TRMT11: variants seen among roughly 807,000 people sequenced by gnomAD.
The protein encoded by TRMT11 is tRNA (guanine(10)-N(2))-methyltransferase TRMT11.
In TRMT11, 53 loss-of-function variants were observed where a neutral mutation model predicts 62.8. The observed-to-expected ratio is 0.84, with a 90% CI of 0.68 to 1.06. The LOEUF (loss-of-function observed/expected upper bound fraction) is 1.06. TRMT11 is among the 50% of genes least tolerant of loss of function. The pLI, the probability that TRMT11 is intolerant of heterozygous loss-of-function variation, is 0.00. For synonymous variants in TRMT11, 188 were observed against 190.3 expected (o/e 0.99, Z 0.10); for missense variants, 556 against 553.4 (o/e 1.00, Z -0.05).
the TRMT11 span, among the ~76,000 whole-genome samples, chr6:126,226,101 C>T: frequency 6.6e-6 from 1 of 152,108 alleles, no homozygotes; most frequent in Non-Finnish European, 1.5e-5. Flanking sequence ...TCTAAATTTA[C>T]TTGGGCTTTT....
chr6:126,005,991 G>A (rs1009496164), intron 7 of TRMT11, among the ~76,000 whole-genome samples: 11 of 151,998 alleles, frequency 7.2e-5, no homozygotes, highest in African/African-American at 2.7e-4. Flanking sequence ...TTGTAAAATA[G>A]TGGACGCAGA....
chr6:126,122,600 G>A (rs1221467300), intron 21 of TRMT11, among the ~76,000 whole-genome samples: 2 of 152,248 alleles, frequency 1.3e-5, no homozygotes, highest in East Asian at 1.9e-4. Context: ...GTTCAGAGAA[G>A]CCAAGAAGAA....
intron 21 of TRMT11, among the ~76,000 whole-genome samples, chr6:126,160,372 T>C (rs1778175441): frequency 2.0e-5 from 3 of 152,188 alleles, no homozygotes; most frequent in African/African-American, 7.2e-5. Flanking sequence ...GTCTCAGAGT[T>C]GTTGCTATTG....
Position 126,140,788 on chromosome 6 carries a change from G to C in TRMT11, c.*1823+24933G>C, listed in dbSNP as rs150777196. On this transcript the variant is annotated intron_variant and NMD_transcript_variant, in intron 21 of 22. Coordinates refer to the TRMT11 transcript ENST00000648977. Reference sequence around the variant, plus strand: ...TGTACTATATGCTGCTTTAGTTTTTGTGGTCTCTCAGTGAAGTTAGTTATT... The same window carrying C: ...TGTACTATATGCTGCTTTAGTTTTTCTGGTCTCTCAGTGAAGTTAGTTATT... 4.3e-3 allele frequency among the ~76,000 whole-genome samples: 656 copies of C among 152,096 alleles called. 3 individuals are homozygous for C. Among genetic ancestry groups the C allele is most frequent in the African/African-American group, 0.016 (644 of 41,532 alleles).
chr6:126,117,911 G>A (rs1038677787), intron 21 of TRMT11, among the ~76,000 whole-genome samples: 9 of 152,036 alleles, frequency 5.9e-5, no homozygotes, highest in South Asian at 2.1e-4. Context: ...AATGCAAAAC[G>A]TAAGTTATAA....
intron 2 of TRMT11, among the ~76,000 whole-genome samples, chr6:125,994,817 T>C (rs898981160): frequency 1.3e-5 from 2 of 152,196 alleles, no homozygotes; most frequent in Admixed American, 1.3e-4. Context: ...AATGAGATCA[T>C]GTCCTTTGCA....
chr6:126,242,815 T>G, the TRMT11 span, among the ~76,000 whole-genome samples: 1 of 152,134 alleles, frequency 6.6e-6, no homozygotes, highest in Non-Finnish European at 1.5e-5. Context: ...ATGTTAGACC[T>G]AAAAACATAA....
chr6:126,123,101 T>A (rs894170366), intron 21 of TRMT11, among the ~76,000 whole-genome samples: 10 of 152,154 alleles, frequency 6.6e-5, no homozygotes, highest in African/African-American at 2.4e-4. Context: ...TGATAATATC[T>A]GCCTTGTAGC....
intron 3 of TRMT11, among the ~76,000 whole-genome samples, chr6:125,997,041 G>A (rs1172000207): frequency 6.6e-6 from 1 of 152,132 alleles, no homozygotes; most frequent in East Asian, 1.9e-4. Context: ...AATAGCCACT[G>A]GAGTACTAAG....
At chr6:126,208,273 A>C (rs1306678361), downstream of TRMT11, among the ~76,000 whole-genome samples, 1 of 152,154 alleles carries the variant, frequency 6.6e-6, no homozygotes, top group Admixed American at 6.5e-5. Context: ...CTCAAATCCT[A>C]TTCTTAGGAG....
In TRMT11 at chr6:126,011,272, C is replaced by T; in HGVS notation, c.780C>T (p.Asn260=). The T allele has an allele frequency of 6.2e-7, 1 of 1,612,238 alleles. No individual in the cohort carries two copies. Among genetic ancestry groups the T allele is most frequent in the Non-Finnish European group, 8.5e-7 (1 of 1,179,150 alleles). The stretch of plus-strand genomic sequence containing the variant: ...CTTCAGGAAAGGCTACTAGGAAAAA[C>T]CAGAAGTGGAGAGGACCAGATGAAA... ...VHGLGKATRK[N]QKWRGPDENI... Residue 260 remains asparagine (N), a synonymous_variant, in exon 9 of 13, where the codon AAC becomes AAT. Transcript: ENST00000334379.
chr6:126,261,132 T>A, the TRMT11 span, among the ~76,000 whole-genome samples: 1 of 152,190 alleles, frequency 6.6e-6, no homozygotes, highest in Non-Finnish European at 1.5e-5. Flanking sequence ...ATTCTTATTT[T>A]ATGTTGTCCC....
At chr6:126,014,130 C>G (rs954391825) in intron 11 of TRMT11, among the ~76,000 whole-genome samples, 1 of 152,104 alleles carries the variant, frequency 6.6e-6, no homozygotes, top group Admixed American at 6.5e-5. Context: ...GACGTTTGAA[C>G]AAGATGGAAT....
chr6:126,018,760 A>T (rs1471210179), intron 11 of TRMT11, among the ~76,000 whole-genome samples: 1 of 152,204 alleles, frequency 6.6e-6, no homozygotes, highest in Non-Finnish European at 1.5e-5. Flanking sequence ...TTAAGATGGG[A>T]TTTAGTACTG....
chr6:126,222,115 G>T, the TRMT11 span, among the ~76,000 whole-genome samples: 1 of 152,236 alleles, frequency 6.6e-6, no homozygotes, highest in Admixed American at 6.5e-5. Context: ...AGACCAGATG[G>T]TTGTAGATTT....
intron 3 of TRMT11, among the ~76,000 whole-genome samples, chr6:126,200,173 CAAGA>C (rs1778718664): frequency 6.6e-6 from 1 of 152,126 alleles, no homozygotes; most frequent in South Asian, 2.1e-4. Context: ...GAAAGTTAGA[CAAGA>C]AAGAGTTTAT....
chr6:126,013,809 C>T (rs1354194916), intron 11 of TRMT11, among the ~76,000 whole-genome samples: 1 of 152,180 alleles, frequency 6.6e-6, no homozygotes, highest in East Asian at 1.9e-4. Context: ...AAAAGTTTTG[C>T]CAGCCCTTAT....
chr6:126,071,669 T>C (rs1776860591), intron 17 of TRMT11, among the ~76,000 whole-genome samples: 1 of 151,938 alleles, frequency 6.6e-6, no homozygotes, highest in Non-Finnish European at 1.5e-5. Context: ...TTTTTTTTTT[T>C]TTCTCTCAGG....
intron 1 of TRMT11, among the ~76,000 whole-genome samples, chr6:126,177,531 CT>C (rs1778400568): frequency 6.6e-6 from 1 of 152,154 alleles, no homozygotes; most frequent in Non-Finnish European, 1.5e-5. Flanking sequence ...TGCAATAAAG[CT>C]TTAGGTATTT....
Sources: gnomAD v4.1 joint callset for allele counts (sites outside exome capture counted in the v4.1 genomes callset) on GRCh38, gnomAD v4.1.1 for gene constraint, MANE v1.5 for transcripts, NCBI Gene and HGNC (gene_info 2026-07-23, HGNC 2026-07-21) for gene names.